Variants in GABRA4 observed in about 807,000 individuals in gnomAD.
GABRA4 encodes gamma-aminobutyric acid type A receptor subunit alpha4.
In GABRA4, 12 loss-of-function variants were observed where a neutral mutation model predicts 49.7. The observed-to-expected ratio is 0.24, with a 90% CI of 0.15 to 0.39. The LOEUF (loss-of-function observed/expected upper bound fraction) is 0.39, where lower values mean the gene tolerates loss of function less well. Among genes scored for constraint, GABRA4 ranks in the 10% least tolerant of loss-of-function variants. The probability of loss-of-function intolerance (pLI) is 1.00; values close to 1 mark genes in which losing one functional copy is unlikely to be tolerated. For missense variants in GABRA4, 506 were observed against 686.0 expected (o/e 0.74, Z 2.93); for synonymous variants, 288 against 240.2 (o/e 1.20, Z -1.84).
Position 46,965,188 on chromosome 4 carries a change from C to T in GABRA4, c.916G>A (p.Ala306Thr). Residue 306 changes from alanine to threonine, a missense_variant, in exon 8 of 9, where the codon GCA (alanine) becomes ACA (threonine). Coordinates refer to ENST00000264318, the MANE Select transcript of GABRA4 (RefSeq NM_000809.4). Reference sequence around the variant, plus strand: ...GACACTTTGGGCAAAGAATGTCGTGCACTGATGCTTAGTGTGGTCATGGTG... The same window carrying T: ...GACACTTTGGGCAAAGAATGTCGTGTACTGATGCTTAGTGTGGTCATGGTG... ...VLTMTTLSIS[A>T]RHSLPKVSYA... 1 of 1,600,986 alleles carries T rather than the reference C, an allele frequency of 6.2e-7. No homozygotes were observed. Among genetic ancestry groups the T allele is most frequent in the Middle Eastern group, 1.7e-4 (1 of 5,996 alleles).
At chr4:46,943,911 A>T (rs1708762249) in intron 8 of GABRA4, among the ~76,000 whole-genome samples, 1 of 152,090 alleles carries the variant, frequency 6.6e-6, no homozygotes, top group African/African-American at 2.4e-5. Flanking sequence ...TCCATCTCCC[A>T]AATAGCATAC....
At chr4:46,944,460 C>T (rs1721915653) in intron 8 of GABRA4, among the ~76,000 whole-genome samples, 1 of 152,038 alleles carries the variant, frequency 6.6e-6, no homozygotes, top group Non-Finnish European at 1.5e-5. Flanking sequence ...CTTCTCACTT[C>T]CCTCACAGTG....
chr4:46,969,486 A>G (rs1307097340), intron 7 of GABRA4, among the ~76,000 whole-genome samples: 1 of 151,570 alleles, frequency 6.6e-6, no homozygotes, highest in African/African-American at 2.4e-5. Context: ...GTTAAATGAG[A>G]TAATGAACAT....
chr4:46,953,518 T>G (rs1722243001), intron 8 of GABRA4, among the ~76,000 whole-genome samples: 1 of 152,194 alleles, frequency 6.6e-6, no homozygotes, highest in Admixed American at 6.5e-5. Context: ...TAATATATTC[T>G]AAAGTTTTCT....
At chr4:46,963,478 C>T (rs1722649259) in intron 8 of GABRA4, among the ~76,000 whole-genome samples, 2 of 151,756 alleles carry the variant, frequency 1.3e-5, no homozygotes, top group African/African-American at 2.4e-5. Flanking sequence ...GGGGTTTCTG[C>T]TTTTGCTTCT....
rs766116799 is a variant in GABRA4, at chr4:46,993,449, C to G, written c.-25G>C. The G allele has an allele frequency of 6.2e-7, 1 of 1,612,436 alleles. No homozygotes were observed. The highest frequency in any genetic ancestry group is 1.1e-5 in the South Asian group (1 of 91,058). ...TCTTTGCAACATGCCATACTTCAAG[C>G]CTGTTCACGTTTCCAGGCTCTTCAG... is the stretch of plus-strand genomic sequence containing the variant. On this transcript the variant is annotated 5_prime_UTR_variant, in exon 1 of 9. Transcript: ENST00000264318.
At chr4:46,946,426 A>C (rs1317229219) in intron 8 of GABRA4, among the ~76,000 whole-genome samples, 1 of 152,098 alleles carries the variant, frequency 6.6e-6, no homozygotes, top group Non-Finnish European at 1.5e-5. Flanking sequence ...TTCTACACCC[A>C]AGAAAGGTTT....
At chr4:46,982,941 A>G (rs1723408409) in intron 2 of GABRA4, among the ~76,000 whole-genome samples, 1 of 152,050 alleles carries the variant, frequency 6.6e-6, no homozygotes, top group East Asian at 1.9e-4. Context: ...GGTATTTTCC[A>G]AAGAACAATA....
rs1380347053 is a variant in GABRA4, at chr4:46,923,631, T to G, written c.*4594A>C. On this transcript the variant is annotated 3_prime_UTR_variant, in exon 9 of 9. Coordinates refer to ENST00000264318, the MANE Select transcript of GABRA4 (RefSeq NM_000809.4). ...AAAGTTTAAGACAGGAAAGAAAAAA[T>G]AAGAGATCTCAACTGTTCCACTACC... The G allele has an allele frequency of 6.6e-6, 1 of 151,872 alleles. No homozygotes were observed. Among genetic ancestry groups the G allele is most frequent in the Non-Finnish European group, 1.5e-5 (1 of 67,938 alleles). The allele number at this position is 151,872 out of a possible 1,614,324, so 9.4% of individuals were successfully genotyped here.
intron 8 of GABRA4, among the ~76,000 whole-genome samples, chr4:46,945,327 C>T (rs970328262): frequency 6.6e-6 from 1 of 152,112 alleles, no homozygotes; most frequent in Non-Finnish European, 1.5e-5. Context: ...CCTACATCAA[C>T]CTGCACCTTC....
chr4:46,992,955 G>C lies in GABRA4; in HGVS notation c.87-9C>G. On this transcript the variant is annotated splice_polypyrimidine_tract_variant and intron_variant, in intron 1 of 8. Coordinates refer to ENST00000264318, the MANE Select transcript of GABRA4 (RefSeq NM_000809.4). ...CTGGGGATTCGTTTAAACTGCAAGC[G>C]AAAAAAAAAAAACCGGGGGCGGAGG... 1.5e-6 allele frequency: 2 copies of C among 1,301,046 alleles called. No homozygotes were observed. Among genetic ancestry groups the C allele is most frequent in the Non-Finnish European group, 2.2e-6 (2 of 924,978 alleles). The allele number at this position is 1,301,046 out of a possible 1,614,324, so 80.6% of individuals were successfully genotyped here.
chr4:46,991,079 T>G (rs11732239), intron 2 of GABRA4, among the ~76,000 whole-genome samples: 16,133 of 151,862 alleles, frequency 0.11, 938 homozygotes, highest in South Asian at 0.19. Context: ...CCAGCTACTC[T>G]GGGGGCTGAG....
In GABRA4 at chr4:46,926,171, C is replaced by T. The variant is rs1721224620; in HGVS notation, c.*2054G>A. On this transcript the variant is annotated 3_prime_UTR_variant, in exon 9 of 9. Coordinates refer to ENST00000264318, the MANE Select transcript of GABRA4 (RefSeq NM_000809.4). The stretch of plus-strand genomic sequence containing the variant: ...AGCATAGTTCCTGGAACAAAGTACG[C>T]TCTGAATAACTAGTAGCGAATGAAT... 1.3e-5 allele frequency: 2 copies of T among 151,872 alleles called. No individual in the cohort carries two copies. The highest frequency in any genetic ancestry group is 6.6e-5 in the Admixed American group (1 of 15,212). The allele number at this position is 151,872 out of a possible 1,614,324, so 9.4% of individuals were successfully genotyped here.
At chr4:46,947,973 T>C (rs1347466013) in intron 8 of GABRA4, among the ~76,000 whole-genome samples, 1 of 152,146 alleles carries the variant, frequency 6.6e-6, no homozygotes, top group Non-Finnish European at 1.5e-5. Flanking sequence ...CTCCCAGGCC[T>C]GGCAGTTGAG....
intron 3 of GABRA4, among the ~76,000 whole-genome samples, 161 bp from the exon 4 acceptor site, chr4:46,977,791 G>A (rs957378363): frequency 1.3e-5 from 2 of 152,004 alleles, no homozygotes; most frequent in Admixed American, 1.3e-4. Flanking sequence ...GGAGCAAAAA[G>A]ATTCTCAGCA....
At chr4:46,973,532 G>A (rs576262956) in intron 6 of GABRA4, among the ~76,000 whole-genome samples, 3 of 151,698 alleles carry the variant, frequency 2.0e-5, no homozygotes, top group African/African-American at 7.3e-5. Context: ...CCCTATTTGT[G>A]TTGTTTTGTT....
At chr4:46,942,106 T>C (rs952573987) in intron 8 of GABRA4, among the ~76,000 whole-genome samples, 6 of 152,176 alleles carry the variant, frequency 3.9e-5, no homozygotes, top group Admixed American at 3.9e-4. Context: ...ACTCATCCCA[T>C]TATTCAACAA....
chr4:46,933,314 A>C (rs1721505287), intron 8 of GABRA4, among the ~76,000 whole-genome samples: 1 of 152,132 alleles, frequency 6.6e-6, no homozygotes, highest in Non-Finnish European at 1.5e-5. Flanking sequence ...AAGTGTCAAA[A>C]ATTTTTATCT....
At chr4:46,993,070 G>A in intron 1 of GABRA4, 124 bp from the exon 2 acceptor site, 1 of 777,232 alleles carries the variant, frequency 1.3e-6, no homozygotes. Context: ...AGGAGAGGAG[G>A]TTGGGGGTTG....
Sources: gnomAD v4.1 joint callset for allele counts (sites outside exome capture counted in the v4.1 genomes callset) on GRCh38, gnomAD v4.1.1 for gene constraint, MANE v1.5 for transcripts, NCBI Gene and HGNC (gene_info 2026-07-23, HGNC 2026-07-21) for gene names.